Variants in PALS2 observed in about 807,000 individuals in gnomAD.
PALS2 encodes the protein protein PALS2.
Under a neutral mutation model 61.6 loss-of-function variants are expected in PALS2, and 27 were observed. The observed-to-expected ratio is 0.44, with a 90% CI of 0.32 to 0.60. The LOEUF (loss-of-function observed/expected upper bound fraction) is 0.60, where lower values mean the gene tolerates loss of function less well. Among genes scored for constraint, PALS2 ranks in the 20% least tolerant of loss-of-function variants. The probability of loss-of-function intolerance (pLI) is 0.05; values close to 1 mark genes in which losing one functional copy is unlikely to be tolerated. For synonymous variants in PALS2, 236 were observed against 218.6 expected (o/e 1.08, Z -0.70); for missense variants, 554 against 639.4 (o/e 0.87, Z 1.44).
intron 1 of PALS2, among the ~76,000 whole-genome samples, chr7:24,608,735 G>C (rs1314541503): frequency 1.3e-5 from 2 of 152,022 alleles, no homozygotes; most frequent in Non-Finnish European, 2.9e-5. Context: ...CCAAGTATCT[G>C]GGACTACAGG....
At chr7:24,579,011 A>G (rs1032278610) in intron 1 of PALS2, among the ~76,000 whole-genome samples, 2 of 152,232 alleles carry the variant, frequency 1.3e-5, no homozygotes, top group Non-Finnish European at 2.9e-5. Flanking sequence ...TAATGGAGGA[A>G]CTGGTAGAAA....
intron 3 of PALS2, among the ~76,000 whole-genome samples, chr7:24,647,078 A>G (rs1785872151): frequency 6.8e-6 from 1 of 146,828 alleles, no homozygotes; most frequent in African/African-American, 2.5e-5. Context: ...TTGTCTATTA[A>G]TTTTTTCAAA....
Position 24,650,474 on chromosome 7 carries a change from A to G in PALS2, c.424-11A>G. On this transcript the variant is annotated splice_polypyrimidine_tract_variant and intron_variant, in intron 4 of 11. Transcript: ENST00000222644. ...ATAATTAATGAGAAATCTGTTTCTTATTTTTCATAGGGTGTGACATTTAGG... is the reference window on the plus strand; with the variant it reads ...ATAATTAATGAGAAATCTGTTTCTTGTTTTTCATAGGGTGTGACATTTAGG... 2.6e-6 allele frequency: 4 copies of G among 1,551,810 alleles called. No homozygotes were observed. The East Asian group carries it at 9.1e-5, about 35-fold the overall frequency.
intron 2 of PALS2, 117 bp from the exon 3 acceptor site, chr7:24,641,599 T>G (rs185535890): frequency 5.8e-6 from 5 of 860,074 alleles, no homozygotes; most frequent in Admixed American, 6.7e-5. Flanking sequence ...AAATTTGGTT[T>G]ACATGAATTA....
In PALS2 at chr7:24,641,727, G is replaced by A. The variant is rs753717483; in HGVS notation, c.129G>A (p.Arg43=). The change falls in exon 3 of 12, where the codon AGG becomes AGA. Residue 43 remains arginine, a synonymous_variant. Transcript: ENST00000222644. The part of the protein sequence containing the change: ...IVKSLAKAHE[R]LEDSKLEAVS... Reference sequence around the variant, plus strand: ...TCTTATTTTTTCAGGCTCATGAGAGGCTAGAAGATTCCAAACTAGAAGCTG... The same window carrying A: ...TCTTATTTTTTCAGGCTCATGAGAGACTAGAAGATTCCAAACTAGAAGCTG... The A allele has an allele frequency of 3.1e-6, 5 of 1,609,824 alleles. No homozygotes were observed. The highest frequency in any genetic ancestry group is 4.2e-6 in the Non-Finnish European group (5 of 1,177,686).
At chr7:24,634,975 T>C (rs765556725) in intron 2 of PALS2, among the ~76,000 whole-genome samples, 1 of 152,218 alleles carries the variant, frequency 6.6e-6, no homozygotes, top group Non-Finnish European at 1.5e-5. Flanking sequence ...TGATAACTCT[T>C]GTGTAGTACT....
intron 5 of PALS2, among the ~76,000 whole-genome samples, chr7:24,654,850 T>C (rs1259556124): frequency 1.3e-5 from 2 of 152,060 alleles, no homozygotes. Context: ...CAATGGACTT[T>C]TAGAGAGCTC....
intron 5 of PALS2, among the ~76,000 whole-genome samples, chr7:24,659,861 A>G (rs896362027): frequency 6.6e-6 from 1 of 152,048 alleles, no homozygotes; most frequent in Non-Finnish European, 1.5e-5. Flanking sequence ...GTCCCTCACA[A>G]TTCTCTCTCT....
chr7:24,621,532 AATAG>A (rs1377956565), intron 1 of PALS2, among the ~76,000 whole-genome samples: 1 of 152,088 alleles, frequency 6.6e-6, no homozygotes, highest in African/African-American at 2.4e-5. Flanking sequence ...TCTAACAGAA[AATAG>A]ATAATGTCCA....
At chr7:24,583,730 A>G (rs1782942700) in intron 1 of PALS2, among the ~76,000 whole-genome samples, 1 of 148,624 alleles carries the variant, frequency 6.7e-6, no homozygotes. Context: ...TTACATATGT[A>G]TACATGTGCC....
chr7:24,575,788 GAAAAT>G (rs1401840445), intron 1 of PALS2, among the ~76,000 whole-genome samples: 1 of 152,100 alleles, frequency 6.6e-6, no homozygotes, highest in Non-Finnish European at 1.5e-5. Flanking sequence ...AAAACAGCCA[GAAAAT>G]AAAATTAAAA....
intron 2 of PALS2, among the ~76,000 whole-genome samples, chr7:24,640,900 T>C (rs562478963): frequency 2.0e-4 from 28 of 142,610 alleles, no homozygotes; most frequent in South Asian, 8.9e-4. Context: ...CCCAGCTACT[T>C]GGGAGGCTGA....
rs1230834445 is a variant in PALS2, at chr7:24,689,811, A to G, written c.*2197A>G. ...ATGACAATGTTTCAACACACACTTG[A>G]AATTTTAAGAGAAATTTCAGTTCTT... On this transcript the variant is annotated 3_prime_UTR_variant, in exon 12 of 12. Transcript: ENST00000222644. 1 of 152,188 alleles carries G rather than the reference A, an allele frequency of 6.6e-6. No homozygotes were observed. Among genetic ancestry groups the G allele is most frequent in the Non-Finnish European group, 1.5e-5 (1 of 68,030 alleles). 9.4% of individuals were successfully genotyped at this position (152,188 alleles called of 1,614,324 possible).
Position 24,619,635 on chromosome 7 carries a change from G to A in PALS2, c.-2-4031G>A, listed in dbSNP as rs568647348. Among the ~76,000 whole-genome samples the A allele has an allele frequency of 3.3e-3, 494 of 150,672 alleles. 1 individual carries two copies. Among genetic ancestry groups the A allele is most frequent in the Non-Finnish European group, 5.6e-3 (381 of 67,672 alleles). On this transcript the variant is annotated intron_variant, in intron 1 of 11. Transcript: ENST00000222644. ...CGGGAGGCTGAGGCAGGAGAATGGC[G>A]TGAACCTGGGAGGCGGAGCTTGCAG...
At chr7:24,631,139 A>G (rs1398927738) in intron 2 of PALS2, among the ~76,000 whole-genome samples, 1 of 152,220 alleles carries the variant, frequency 6.6e-6, no homozygotes, top group Non-Finnish European at 1.5e-5. Flanking sequence ...GAAAGGGTTT[A>G]CTATTCTAGA....
chr7:24,671,690 G>T (rs1248785990), intron 9 of PALS2, among the ~76,000 whole-genome samples: 2 of 152,040 alleles, frequency 1.3e-5, no homozygotes. Context: ...CAGATTATAT[G>T]ATCAATTTTG....
chr7:24,665,542 T>C, intron 6 of PALS2, 46 bp from the exon 7 acceptor site: 1 of 1,564,958 alleles, frequency 6.4e-7, no homozygotes, highest in Non-Finnish European at 8.8e-7. Flanking sequence ...GAATATGGTC[T>C]CAAATTTTGG....
intron 2 of PALS2, among the ~76,000 whole-genome samples, chr7:24,631,916 A>C (rs1785012464): frequency 6.6e-6 from 1 of 152,194 alleles, no homozygotes; most frequent in Non-Finnish European, 1.5e-5. Context: ...ATGTAAACAT[A>C]ACTTTTATAT....
At chr7:24,604,219 G>GAAAAAAAAAAAAAAAAAAAAAAAAAAAAA (rs58169190) in intron 1 of PALS2, among the ~76,000 whole-genome samples, 1 of 86,148 alleles carries the variant, frequency 1.2e-5, no homozygotes, top group African/African-American at 3.4e-5. Context: ...TTCAAGAAAA[G>GAAAAAAAAAAAAAAAAAAAAAAAAAAAAA]AAAAAAAAAA....
Sources: allele counts gnomAD v4.1 joint callset (sites outside exome capture counted in the v4.1 genomes callset), GRCh38; gene constraint gnomAD v4.1.1; transcripts MANE v1.5; gene names NCBI Gene and HGNC (gene_info 2026-07-23, HGNC 2026-07-21).